The following UNC5D variants were observed in gnomAD, a reference collection of about 807,000 sequenced individuals.
UNC5D encodes netrin receptor UNC5D.
In UNC5D, 39 loss-of-function variants were observed where a neutral mutation model predicts 105.4. The observed-to-expected ratio is 0.37, with a 90% CI of 0.29 to 0.48. The LOEUF is 0.48. UNC5D is among the 20% of genes least tolerant of loss of function. UNC5D has a pLI of 0.98. For missense variants in UNC5D, 991 were observed against 1,202.4 expected, an observed-to-expected ratio of 0.82 and a Z score of 2.60; for synonymous variants, 452 against 450.4, an observed-to-expected ratio of 1.00 and a Z score of -0.04.
chr8:35,526,379 G>A (rs760811345), intron 1 of UNC5D, among the ~76,000 whole-genome samples: 5 of 152,022 alleles, frequency 3.3e-5, no homozygotes, highest in Non-Finnish European at 5.9e-5. Flanking sequence ...CATCCATCTC[G>A]CCTGTTCTCC....
At chr8:35,667,166 T>C (rs766144915) in intron 4 of UNC5D, among the ~76,000 whole-genome samples, 15 of 152,184 alleles carry the variant, frequency 9.9e-5, no homozygotes, top group Non-Finnish European at 2.2e-4. Flanking sequence ...TTTTTTCCCC[T>C]GCTTATAAAC....
intron 9 of UNC5D, among the ~76,000 whole-genome samples, 193 bp from the exon 10 acceptor site, chr8:35,725,959 G>T (rs904650896): frequency 6.6e-6 from 1 of 152,200 alleles, no homozygotes; most frequent in Non-Finnish European, 1.5e-5. Flanking sequence ...AGAATGGACG[G>T]TGGAAGCCAG....
intron 1 of UNC5D, among the ~76,000 whole-genome samples, chr8:35,391,634 T>G (rs1160765354): frequency 6.6e-6 from 1 of 152,142 alleles, no homozygotes. Flanking sequence ...AAGCTAAGTT[T>G]ATTAGACTTA....
At chr8:35,774,205 A>C in intron 15 of UNC5D, 94 bp from the exon 16 acceptor site, 1 of 1,406,960 alleles carries the variant, frequency 7.1e-7, no homozygotes, top group South Asian at 1.3e-5. Context: ...CATTTTGTGC[A>C]TGTGTGTTAA....
In UNC5D at chr8:35,722,412, C is replaced by A; in HGVS notation, c.1303+17C>A. The A allele has an allele frequency of 6.2e-7, 1 of 1,609,010 alleles. No individual in the cohort carries two copies. On this transcript the variant is annotated intron_variant, in intron 9 of 16. Coordinates refer to ENST00000404895, the MANE Select transcript of UNC5D (RefSeq NM_080872.4). ...TCCGTCAAGGTCAGCGGCATAGGTCCCTCCACACCTCGTCCTCAGTGCCAT... is the reference window on the plus strand; with the variant it reads ...TCCGTCAAGGTCAGCGGCATAGGTCACTCCACACCTCGTCCTCAGTGCCAT...
At chr8:35,733,843 A>C (rs1334237190) in intron 11 of UNC5D, among the ~76,000 whole-genome samples, 1 of 152,160 alleles carries the variant, frequency 6.6e-6, no homozygotes, top group Non-Finnish European at 1.5e-5. Flanking sequence ...GATGTCACTG[A>C]ACTGAGTCTT....
chr8:35,556,459 T>C (rs1816556695), intron 2 of UNC5D, among the ~76,000 whole-genome samples: 1 of 152,138 alleles, frequency 6.6e-6, no homozygotes, highest in Admixed American at 6.5e-5. Flanking sequence ...AGAGGGTTCT[T>C]GGATCTTGCT....
At chr8:35,749,610 T>C (rs1830168435) in intron 12 of UNC5D, among the ~76,000 whole-genome samples, 1 of 152,214 alleles carries the variant, frequency 6.6e-6, no homozygotes, top group Non-Finnish European at 1.5e-5. Context: ...CCAGAATGCA[T>C]TCTGCTATTT....
chr8:35,682,451 T>C (rs572148219), intron 4 of UNC5D, among the ~76,000 whole-genome samples: 2 of 152,342 alleles, frequency 1.3e-5, no homozygotes, highest in East Asian at 3.9e-4. Flanking sequence ...CTTTCTGTGA[T>C]AAATTTCAGT....
chr8:35,672,386 T>A (rs1732209977), intron 4 of UNC5D, among the ~76,000 whole-genome samples: 2 of 152,156 alleles, frequency 1.3e-5, no homozygotes, highest in East Asian at 1.9e-4. Flanking sequence ...TTATAATCTA[T>A]CTTAGAGAGG....
intron 4 of UNC5D, among the ~76,000 whole-genome samples, chr8:35,613,985 G>A (rs976665652): frequency 2.0e-5 from 3 of 152,210 alleles, no homozygotes; most frequent in African/African-American, 7.2e-5. Flanking sequence ...TGTGTGGGGT[G>A]TTAATCTTTC....
At chr8:35,748,724 A>G (rs1830121164) in intron 12 of UNC5D, 29 bp downstream of exon 12, 2 of 1,605,494 alleles carry the variant, frequency 1.2e-6, no homozygotes, top group Non-Finnish European at 8.5e-7. Context: ...TTTTTTAAAC[A>G]GTGGGATTTG....
chr8:35,451,239 C>T (rs1206465255), intron 1 of UNC5D, among the ~76,000 whole-genome samples: 1 of 151,958 alleles, frequency 6.6e-6, no homozygotes, highest in African/African-American at 2.4e-5. Context: ...GATAGTGTTT[C>T]TCCATGTTGG....
At chr8:35,557,324 G>A (rs1283775315) in intron 2 of UNC5D, among the ~76,000 whole-genome samples, 1 of 152,122 alleles carries the variant, frequency 6.6e-6, no homozygotes, top group East Asian at 1.9e-4. Flanking sequence ...TGCTTCTGAG[G>A]AATACGTGGA....
intron 1 of UNC5D, among the ~76,000 whole-genome samples, chr8:35,258,554 T>A (rs1804238490): frequency 6.6e-6 from 1 of 152,130 alleles, no homozygotes; most frequent in South Asian, 2.1e-4. Flanking sequence ...TAAATAATAG[T>A]ACCTACCACA....
At chr8:35,407,250 A>G (rs1804865469) in intron 1 of UNC5D, among the ~76,000 whole-genome samples, 1 of 152,082 alleles carries the variant, frequency 6.6e-6, no homozygotes, top group South Asian at 2.1e-4. Flanking sequence ...GTACTCTATG[A>G]TGTTTGCACA....
rs374774106 is a variant in UNC5D, at chr8:35,390,459, G to A, written c.103+154572G>A. Among the ~76,000 whole-genome samples the A allele has an allele frequency of 2.5e-4, 38 of 151,486 alleles. 1 individual carries two copies. Among genetic ancestry groups the A allele is most frequent in the African/African-American group, 8.5e-4 (35 of 41,362 alleles). ...CATTTTTTTCTAAGATTCTTTTAAG[G>A]GTGTGTTCTCAGCATTGGTTACAAT... On this transcript the variant is annotated intron_variant, in intron 1 of 16. Transcript: ENST00000404895.
intron 13 of UNC5D, among the ~76,000 whole-genome samples, chr8:35,758,569 C>A (rs1003828962): frequency 6.6e-6 from 1 of 152,076 alleles, no homozygotes; most frequent in South Asian, 2.1e-4. Flanking sequence ...TTTCTTATAT[C>A]GTCTCTCCAA....
At chr8:35,710,908 A>G (rs1184239572) in intron 8 of UNC5D, among the ~76,000 whole-genome samples, 1 of 150,750 alleles carries the variant, frequency 6.6e-6, no homozygotes, top group African/African-American at 2.4e-5. Flanking sequence ...TTCCTGTTTA[A>G]GCCTCTTCAG....
Sources: allele counts gnomAD v4.1 joint callset (sites outside exome capture counted in the v4.1 genomes callset), GRCh38; gene constraint gnomAD v4.1.1; transcripts MANE v1.5; gene names NCBI Gene and HGNC (gene_info 2026-07-23, HGNC 2026-07-21).